Variants in HEMK2 observed in about 807,000 individuals in gnomAD.
HEMK2 encodes HemK methyltransferase 2, ETF1 glutamine and histone H4 lysine, also known as methyltransferase HEMK2.
At chr21:28,642,432 T>C in the HEMK2 span, among the ~76,000 whole-genome samples, 66 of 152,268 alleles carry the variant, frequency 4.3e-4, no homozygotes, top group African/African-American at 1.6e-3. Flanking sequence ...CACTCTTCTC[T>C]GGTGGGAGCA....
chr21:28,772,883 T>A, the HEMK2 span, among the ~76,000 whole-genome samples: 2 of 152,130 alleles, frequency 1.3e-5, no homozygotes, highest in Non-Finnish European at 2.9e-5. Context: ...TAAAGTACCT[T>A]CAGTGGGAAA....
the HEMK2 span, among the ~76,000 whole-genome samples, chr21:28,787,630 T>C: frequency 2.0e-5 from 3 of 152,114 alleles, no homozygotes; most frequent in East Asian, 3.9e-4. Context: ...CTAATGATCA[T>C]GGAAATTCAA....
the HEMK2 span, among the ~76,000 whole-genome samples, chr21:28,709,266 G>A: frequency 6.6e-6 from 1 of 152,124 alleles, no homozygotes; most frequent in Non-Finnish European, 1.5e-5. Context: ...AATCACAAAA[G>A]GTATATGTAG....
At chr21:28,616,546 TTCTC>T in the HEMK2 span, among the ~76,000 whole-genome samples, 4 of 152,186 alleles carry the variant, frequency 2.6e-5, no homozygotes, top group Admixed American at 1.3e-4. Flanking sequence ...ACCTGCAAAA[TTCTC>T]TCTAAAACTT....
At chr21:28,845,877 A>G in the HEMK2 span, among the ~76,000 whole-genome samples, 1 of 151,998 alleles carries the variant, frequency 6.6e-6, no homozygotes, top group Non-Finnish European at 1.5e-5. Context: ...GGTTTCATGT[A>G]TAGATAATTT....
the HEMK2 span, among the ~76,000 whole-genome samples, chr21:28,864,889 T>TA: frequency 0.22 from 21,405 of 95,372 alleles, 2,364 homozygotes; most frequent in African/African-American, 0.4. Flanking sequence ...TAGATATAGA[T>TA]GATAGATAGA....
chr21:28,685,586 C>T, the HEMK2 span, among the ~76,000 whole-genome samples: 7 of 152,282 alleles, frequency 4.6e-5, no homozygotes, highest in African/African-American at 1.4e-4. Context: ...GTTATGCACA[C>T]TTAGATTTCT....
the HEMK2 span, among the ~76,000 whole-genome samples, chr21:28,870,747 T>C: frequency 6.6e-6 from 1 of 152,234 alleles, no homozygotes; most frequent in Non-Finnish European, 1.5e-5. Context: ...GTTTTAAATT[T>C]TGTAAATGTA....
chr21:28,595,495 G>T, the HEMK2 span, among the ~76,000 whole-genome samples: 1 of 152,280 alleles, frequency 6.6e-6, no homozygotes, highest in East Asian at 1.9e-4. Flanking sequence ...CATCCATGTT[G>T]TTGCAAATGA....
At chr21:28,631,915 T>G in the HEMK2 span, among the ~76,000 whole-genome samples, 69 of 152,266 alleles carry the variant, frequency 4.5e-4, no homozygotes, top group East Asian at 0.011. Context: ...CACACTCAGA[T>G]TTTATCAATT....
the HEMK2 span, among the ~76,000 whole-genome samples, chr21:28,683,194 C>T: frequency 2.6e-5 from 4 of 151,720 alleles, no homozygotes; most frequent in Non-Finnish European, 5.9e-5. Flanking sequence ...ACTTCATAAG[C>T]CACTTTACAC....
chr21:28,823,441 C>G, the HEMK2 span, among the ~76,000 whole-genome samples: 1 of 152,184 alleles, frequency 6.6e-6, no homozygotes, highest in African/African-American at 2.4e-5. Context: ...TTGGATATCA[C>G]AGTGTGCTCT....
At chr21:28,790,898 G>A in the HEMK2 span, among the ~76,000 whole-genome samples, 2 of 150,608 alleles carry the variant, frequency 1.3e-5, no homozygotes, top group South Asian at 4.2e-4. Flanking sequence ...CGAGTTAATG[G>A]GTGTAGCACA....
the HEMK2 span, among the ~76,000 whole-genome samples, chr21:28,734,151 C>T: frequency 6.6e-6 from 1 of 152,212 alleles, no homozygotes; most frequent in East Asian, 1.9e-4. Flanking sequence ...ACATTTGCTT[C>T]ACACACCTGC....
chr21:28,620,883 A>G, the HEMK2 span, among the ~76,000 whole-genome samples: 1 of 151,696 alleles, frequency 6.6e-6, no homozygotes, highest in Non-Finnish European at 1.5e-5. Flanking sequence ...CATGTTGGCC[A>G]GGATAGTTTT....
At chr21:28,627,025 C>T in the HEMK2 span, among the ~76,000 whole-genome samples, 4 of 152,082 alleles carry the variant, frequency 2.6e-5, no homozygotes, top group African/African-American at 9.7e-5. Flanking sequence ...CCAATTGTGG[C>T]ATATTCACTC....
At chr21:28,730,529 G>T in the HEMK2 span, among the ~76,000 whole-genome samples, 1 of 152,074 alleles carries the variant, frequency 6.6e-6, no homozygotes, top group African/African-American at 2.4e-5. Flanking sequence ...CCACCTCAAG[G>T]CTCCACTGGA....
chr21:28,698,882 T>C, the HEMK2 span, among the ~76,000 whole-genome samples: 2 of 152,228 alleles, frequency 1.3e-5, no homozygotes, highest in African/African-American at 4.8e-5. Flanking sequence ...ACAAACTATA[T>C]CTTGCATACC....
At chr21:28,838,534 A>G in the HEMK2 span, among the ~76,000 whole-genome samples, 4 of 136,624 alleles carry the variant, frequency 2.9e-5, no homozygotes, top group Non-Finnish European at 4.6e-5. Flanking sequence ...ACTCTGTCTC[A>G]AAATAAAAAA....
Sources: gnomAD v4.1 joint callset for allele counts (sites outside exome capture counted in the v4.1 genomes callset) on GRCh38, gnomAD v4.1.1 for gene constraint, MANE v1.5 for transcripts, NCBI Gene and HGNC (gene_info 2026-07-23, HGNC 2026-07-21) for gene names.